AHCYL2: variants seen among roughly 807,000 people sequenced by gnomAD.
The protein encoded by AHCYL2 is S-adenosylhomocysteine hydrolase-like protein 2.
In AHCYL2, 28 loss-of-function variants were observed where a neutral mutation model predicts 81.4. The ratio of observed to expected loss-of-function variants is 0.34; its 90% CI spans 0.25 to 0.47. The LOEUF (loss-of-function observed/expected upper bound fraction) is 0.47, where lower values mean the gene tolerates loss of function less well. Ranked by LOEUF, AHCYL2 falls within the 20% of genes least tolerant of loss-of-function variation. The probability of loss-of-function intolerance (pLI) is 1.00; values close to 1 mark genes in which losing one functional copy is unlikely to be tolerated. For synonymous variants in AHCYL2, 272 were observed against 290.2 expected, an observed-to-expected ratio of 0.94 and a Z score of 0.64; for missense variants, 551 against 785.1, an observed-to-expected ratio of 0.70 and a Z score of 3.56.
At chr7:129,396,960 A>G (rs1259949080) in intron 4 of AHCYL2, among the ~76,000 whole-genome samples, 1 of 152,170 alleles carries the variant, frequency 6.6e-6, no homozygotes, top group Non-Finnish European at 1.5e-5. Context: ...TTGGCTCTGA[A>G]GTCCTTGGTT....
At chr7:129,425,831 A>C (rs71579851) in intron 15 of AHCYL2, among the ~76,000 whole-genome samples, 3,664 of 152,346 alleles carry the variant, frequency 0.024, 71 homozygotes, top group Admixed American at 0.056. Context: ...CTTTAGAAGG[A>C]TATAAAAGCA....
At position 129,349,636 on chromosome 7, in the gene AHCYL2, T is replaced by C. The variant is rs954705434; in HGVS notation, c.364-30002T>C. Among the ~76,000 whole-genome samples the C allele has an allele frequency of 2.6e-5, 3 of 114,610 alleles. No individual in the cohort carries two copies. In the Admixed American group the frequency reaches 3.6e-4, roughly 14 times the overall value. The allele number at this position is 114,610 out of a possible 152,430, so 75.2% of individuals were successfully genotyped here. A position where few individuals can be genotyped will look rare whatever the true frequency, so the allele number is the denominator to read the frequency against. ...CATTGCATTCCAGCCTGGGCAACAA[T>C]GCAAGACTCTGTTTCAAAAAAAAAA... is the stretch of plus-strand genomic sequence containing the variant. On this transcript the variant is annotated intron_variant, in intron 1 of 16. Coordinates refer to ENST00000325006, the MANE Select transcript of AHCYL2 (RefSeq NM_015328.4).
chr7:129,361,114 A>G (rs1244566359), intron 1 of AHCYL2, among the ~76,000 whole-genome samples: 1 of 152,222 alleles, frequency 6.6e-6, no homozygotes, highest in Non-Finnish European at 1.5e-5. Context: ...CACATGATTT[A>G]TATGCACATT....
chr7:129,324,810 C>T (rs988557202), intron 1 of AHCYL2, among the ~76,000 whole-genome samples: 4 of 152,316 alleles, frequency 2.6e-5, no homozygotes, highest in East Asian at 3.9e-4. Context: ...CCACTGTGCC[C>T]GGCCTGGCTT....
chr7:129,338,603 G>A (rs1473923972), intron 1 of AHCYL2, among the ~76,000 whole-genome samples: 3 of 152,188 alleles, frequency 2.0e-5, no homozygotes, highest in African/African-American at 7.2e-5. Context: ...TTCCTGTTCT[G>A]ATGGATGAAA....
At chr7:129,379,279 CAAAAAAAA>C (rs200168015) in intron 1 of AHCYL2, among the ~76,000 whole-genome samples, 1 of 68,350 alleles carries the variant, frequency 1.5e-5, no homozygotes, top group South Asian at 4.3e-4. Flanking sequence ...AAGTCCATCT[CAAAAAAAA>C]AAAAAAAAAG....
At chr7:129,356,557 G>A (rs1395584151) in intron 1 of AHCYL2, among the ~76,000 whole-genome samples, 10 of 152,070 alleles carry the variant, frequency 6.6e-5, no homozygotes, top group African/African-American at 2.4e-4. Flanking sequence ...CCATTACAAA[G>A]GAAAGAAGTA....
intron 7 of AHCYL2, 72 bp downstream of exon 7, chr7:129,403,557 A>C: frequency 9.2e-7 from 1 of 1,090,802 alleles, no homozygotes; most frequent in Non-Finnish European, 1.3e-6. Context: ...ATACCTATAA[A>C]ACACATGTTA....
At chr7:129,332,670 C>G (rs1798461178) in intron 1 of AHCYL2, among the ~76,000 whole-genome samples, 1 of 152,158 alleles carries the variant, frequency 6.6e-6, no homozygotes, top group African/African-American at 2.4e-5. Context: ...TATTAAGAGT[C>G]TTTTAACCTG....
intron 1 of AHCYL2, among the ~76,000 whole-genome samples, chr7:129,275,970 C>T (rs1276004123): frequency 1.3e-5 from 2 of 152,140 alleles, no homozygotes; most frequent in Admixed American, 6.5e-5. Context: ...AAAAATTGAA[C>T]ACACACTGAA....
intron 1 of AHCYL2, among the ~76,000 whole-genome samples, chr7:129,350,714 C>CTTTTTTTT (rs56115169): frequency 2.5e-5 from 3 of 122,138 alleles, no homozygotes; most frequent in Admixed American, 8.7e-5. Flanking sequence ...TTCTTTCTTT[C>CTTTTTTTT]TTTTTTTTTT....
At chr7:129,372,089 C>T (rs1030862032) in intron 1 of AHCYL2, among the ~76,000 whole-genome samples, 8 of 152,108 alleles carry the variant, frequency 5.3e-5, no homozygotes, top group Non-Finnish European at 1.5e-5. Context: ...CAAAATTTTG[C>T]ATACTGTTGT....
chr7:129,302,343 G>A (rs1328507345), intron 1 of AHCYL2, among the ~76,000 whole-genome samples: 1 of 130,104 alleles, frequency 7.7e-6, no homozygotes, highest in Admixed American at 7.8e-5. Context: ...TCCAGTTTGA[G>A]TGCCCTTATA....
At chr7:129,392,674 C>G (rs1042592300) in intron 4 of AHCYL2, among the ~76,000 whole-genome samples, 3 of 152,170 alleles carry the variant, frequency 2.0e-5, no homozygotes. Context: ...AGCAGTATAA[C>G]CATCAGAAGT....
intron 1 of AHCYL2, among the ~76,000 whole-genome samples, chr7:129,372,967 G>T (rs1433416125): frequency 6.6e-6 from 1 of 152,184 alleles, no homozygotes; most frequent in African/African-American, 2.4e-5. Context: ...AATCAGGGCT[G>T]CTTTACTCAC....
At chr7:129,335,610 A>C (rs374942552) in intron 1 of AHCYL2, among the ~76,000 whole-genome samples, 10 of 152,278 alleles carry the variant, frequency 6.6e-5, no homozygotes, top group Non-Finnish European at 2.9e-5. Flanking sequence ...ATGGGGCTAC[A>C]GTCATCTGAA....
intron 2 of AHCYL2, among the ~76,000 whole-genome samples, chr7:129,381,841 C>G (rs1311453701): frequency 2.6e-5 from 4 of 152,136 alleles, no homozygotes; most frequent in African/African-American, 9.7e-5. Context: ...GTGGTCTGAA[C>G]TAATCTACAG....
intron 12 of AHCYL2, among the ~76,000 whole-genome samples, chr7:129,414,416 G>GTTTT (rs1584903718): frequency 1.6e-4 from 12 of 77,074 alleles, no homozygotes; most frequent in Non-Finnish European, 1.7e-4. Context: ...TAGAAATGTT[G>GTTTT]TTTCTTTTTT....
At chr7:129,312,483 A>C (rs1797691946) in intron 1 of AHCYL2, among the ~76,000 whole-genome samples, 1 of 152,044 alleles carries the variant, frequency 6.6e-6, no homozygotes, top group African/African-American at 2.4e-5. Context: ...ATCATAGCTC[A>C]CTGCAGCCTC....
Sources: gnomAD v4.1 joint callset for allele counts (sites outside exome capture counted in the v4.1 genomes callset) on GRCh38, gnomAD v4.1.1 for gene constraint, MANE v1.5 for transcripts, NCBI Gene and HGNC (gene_info 2026-07-23, HGNC 2026-07-21) for gene names.